Variants in SEC14L5 observed in about 807,000 individuals in gnomAD.
SEC14L5 encodes the protein SEC14-like protein 5.
Under a neutral mutation model 84.6 loss-of-function variants are expected in SEC14L5, and 96 were observed. The ratio of observed to expected loss-of-function variants is 1.13; its 90% CI spans 0.96 to 1.34. The LOEUF is 1.34. SEC14L5 is among the 40% of genes most tolerant of loss of function. SEC14L5 has a pLI of 0.00. For synonymous variants in SEC14L5, 546 were observed against 383.4 expected, an observed-to-expected ratio of 1.42 and a Z score of -4.95; for missense variants, 1,224 against 942.5, an observed-to-expected ratio of 1.30 and a Z score of -3.91.
Position 4,970,131 on chromosome 16 carries a change from G to A in SEC14L5, c.63+10745G>A, listed in dbSNP as rs188537166. Among the ~76,000 whole-genome samples the A allele has an allele frequency of 7.9e-5, 12 of 152,230 alleles. No homozygotes were observed. The East Asian group carries it at 2.3e-3, about 29-fold the overall frequency. On this transcript the variant is annotated intron_variant, in intron 2 of 15. Coordinates refer to ENST00000251170, the MANE Select transcript of SEC14L5 (RefSeq NM_014692.2). ...CTGGCCCATCTGGTTCTTTTGATGT[G>A]GTTCCTGCCCTTATCGAGCCCTCAG...
At chr16:5,003,618 G>GCCCCC in intron 11 of SEC14L5, 45 bp downstream of exon 11, 1 of 414,170 alleles carries the variant, frequency 2.4e-6, no homozygotes, top group Non-Finnish European at 4.6e-6. Context: ...GGGGTGGGTG[G>GCCCCC]GATGGGAGGG....
At chr16:4,969,962 C>G (rs1327772407) in intron 2 of SEC14L5, among the ~76,000 whole-genome samples, 1 of 151,974 alleles carries the variant, frequency 6.6e-6, no homozygotes, top group Non-Finnish European at 1.5e-5. Flanking sequence ...GGACTACAGG[C>G]ACACACAACC....
In SEC14L5 at chr16:5,018,566, C is replaced by G. The variant is rs1955899216; in HGVS notation, c.*3596C>G. 6.6e-6 allele frequency: 1 copy of G among 152,144 alleles called. No individual in the cohort carries two copies. Among genetic ancestry groups the G allele is most frequent in the Non-Finnish European group, 1.5e-5 (1 of 68,044 alleles). 9.4% of individuals were successfully genotyped at this position (152,144 alleles called of 1,614,324 possible). On this transcript the variant is annotated 3_prime_UTR_variant, in exon 16 of 16. Coordinates refer to ENST00000251170, the MANE Select transcript of SEC14L5 (RefSeq NM_014692.2). ...CCTATAGTCTCAGCTGCTCGGGAGG[C>G]TGAGGCAGAAGGATTGCTTGGAGGT...
chr16:4,989,177 T>G (rs1955526018), intron 4 of SEC14L5, among the ~76,000 whole-genome samples: 1 of 152,180 alleles, frequency 6.6e-6, no homozygotes, highest in African/African-American at 2.4e-5. Context: ...GCCACTTTCT[T>G]GCTGAGTGAC....
chr16:4,993,158 C>T (rs1425734123), intron 6 of SEC14L5, among the ~76,000 whole-genome samples: 4 of 152,036 alleles, frequency 2.6e-5, no homozygotes, highest in South Asian at 2.1e-4. Context: ...TCCTCCTGCC[C>T]CAGCTTCCTG....
rs1555530444 is a variant in SEC14L5, at chr16:4,998,003, C to CCTT, written c.970+959_970+960insCTT. 9.7e-3 allele frequency among the ~76,000 whole-genome samples: 759 copies of CCTT among 77,858 alleles called. 184 individuals carry two copies. Among genetic ancestry groups the CCTT allele is most frequent in the African/African-American group, 0.014 (264 of 19,384 alleles). The allele number at this position is 77,858 out of a possible 152,430, so 51.1% of individuals were successfully genotyped here. A position where few individuals can be genotyped will look rare whatever the true frequency, so the allele number is the denominator to read the frequency against. ...AATTACACCTGCACAGACTCTAGTT[C>CCTT]TTTTTTTTTTTTTTTTTTGAGACAG... On this transcript the variant is annotated intron_variant, in intron 8 of 15. Transcript: ENST00000251170.
chr16:5,002,535 A>G (rs561343972), intron 10 of SEC14L5, among the ~76,000 whole-genome samples: 8 of 152,026 alleles, frequency 5.3e-5, no homozygotes, highest in Non-Finnish European at 1.2e-4. Context: ...TTCTAAGGAC[A>G]CGTATGTTGG....
intron 2 of SEC14L5, among the ~76,000 whole-genome samples, chr16:4,968,290 C>T (rs1321368580): frequency 6.6e-6 from 1 of 151,976 alleles, no homozygotes; most frequent in African/African-American, 2.4e-5. Flanking sequence ...AGCAATTCTT[C>T]TACCTCAGCC....
At chr16:4,981,914 G>A (rs117715535) in intron 2 of SEC14L5, among the ~76,000 whole-genome samples, 1,817 of 152,316 alleles carry the variant, frequency 0.012, 15 homozygotes, top group South Asian at 0.02. Flanking sequence ...TCCGTGGGGA[G>A]ATGATTTCCT....
intron 13 of SEC14L5, among the ~76,000 whole-genome samples, chr16:5,007,902 G>A (rs1747395800): frequency 7.0e-6 from 1 of 143,212 alleles, no homozygotes; most frequent in African/African-American, 2.5e-5. Flanking sequence ...CACGGCGCCT[G>A]GCCTCTTTTT....
rs1015262934 is a variant in SEC14L5 at position 4,987,616 on chromosome 16, C to G, written c.123C>G (p.Val41=). Residue 41 remains valine (V), a synonymous_variant, in exon 3 of 16, where the codon GTC becomes GTG. Coordinates refer to ENST00000251170, the MANE Select transcript of SEC14L5 (RefSeq NM_014692.2). ...PQIPVFLGSE[V]LRESRSPDGA... is the part of the protein sequence containing the mutation. ...TCCCAGTCTTCCTGGGCAGCGAGGT[C>G]TTGCGCGAGTCCCGCAGCCCGGACG... is the stretch of plus-strand genomic sequence containing the variant. 22 of 1,559,332 alleles carry G rather than the reference C, an allele frequency of 1.4e-5. No homozygotes were observed. Among genetic ancestry groups the G allele is most frequent in the Non-Finnish European group, 1.7e-5 (20 of 1,152,804 alleles).
At chr16:4,979,308 C>T (rs1201615374) in intron 2 of SEC14L5, among the ~76,000 whole-genome samples, 6 of 152,132 alleles carry the variant, frequency 3.9e-5, no homozygotes, top group African/African-American at 9.7e-5. Context: ...GCACCAACCC[C>T]ATGGTCTGAC....
chr16:5,011,529 G>T (rs1020439447), intron 15 of SEC14L5, among the ~76,000 whole-genome samples: 1 of 152,192 alleles, frequency 6.6e-6, no homozygotes, highest in Non-Finnish European at 1.5e-5. Flanking sequence ...CAACTTTTTG[G>T]AGCAGTTGGA....
chr16:4,975,796 C>T (rs755271241), intron 2 of SEC14L5, among the ~76,000 whole-genome samples: 25 of 152,260 alleles, frequency 1.6e-4, no homozygotes, highest in Admixed American at 5.9e-4. Flanking sequence ...GATAGGGAGA[C>T]TCCTGAAGAG....
intron 4 of SEC14L5, among the ~76,000 whole-genome samples, chr16:4,989,626 C>T (rs1459290253): frequency 6.6e-6 from 1 of 152,200 alleles, no homozygotes; most frequent in Admixed American, 6.5e-5. Flanking sequence ...GGATTACAGA[C>T]ATGAGCCACC....
chr16:5,012,117 G>C (rs59225838), intron 15 of SEC14L5, among the ~76,000 whole-genome samples: 1,693 of 152,294 alleles, frequency 0.011, 23 homozygotes, highest in East Asian at 0.036. Flanking sequence ...CCAGAGTGAA[G>C]AACACTGGGG....
chr16:4,977,473 A>AAAAAAAAT (rs1555528769), intron 2 of SEC14L5, among the ~76,000 whole-genome samples: 1 of 128,674 alleles, frequency 7.8e-6, no homozygotes, highest in Non-Finnish European at 1.6e-5. Flanking sequence ...AAAAAAAGGA[A>AAAAAAAAT]AAAAAAAGAA....
intron 2 of SEC14L5, among the ~76,000 whole-genome samples, chr16:4,974,622 A>G (rs576746506): frequency 2.0e-5 from 3 of 151,606 alleles, no homozygotes; most frequent in African/African-American, 7.3e-5. Context: ...TTTAACATGG[A>G]TAAGGTCTTT....
chr16:4,981,485 T>C (rs547181326), intron 2 of SEC14L5, among the ~76,000 whole-genome samples: 35 of 151,710 alleles, frequency 2.3e-4, no homozygotes, highest in African/African-American at 8.0e-4. Context: ...GACTGAGCAG[T>C]AGAAGGAAGG....
Sources: gnomAD v4.1 joint callset for allele counts (sites outside exome capture counted in the v4.1 genomes callset) on GRCh38, gnomAD v4.1.1 for gene constraint, MANE v1.5 for transcripts, NCBI Gene and HGNC (gene_info 2026-07-23, HGNC 2026-07-21) for gene names.